PHACTR2: variants seen among roughly 807,000 people sequenced by gnomAD.
PHACTR2 encodes chromosome 6 open reading frame 56.
Under a neutral mutation model 76.0 loss-of-function variants are expected in PHACTR2, and 30 were observed. The observed-to-expected ratio is 0.39, with a 90% CI of 0.30 to 0.54. PHACTR2 has a LOEUF of 0.54. Among genes scored for constraint, PHACTR2 ranks in the 20% least tolerant of loss-of-function variants. The pLI is 0.61. For missense variants in PHACTR2, 696 were observed against 781.1 expected (o/e 0.89, Z 1.30); for synonymous variants, 292 against 292.5 (o/e 1.00, Z 0.02).
At chr6:143,810,049 G>A (rs1273316711) in intron 12 of PHACTR2, among the ~76,000 whole-genome samples, 2 of 152,010 alleles carry the variant, frequency 1.3e-5, no homozygotes, top group African/African-American at 4.8e-5. Context: ...AGGCAGAGGT[G>A]GCAGTGAGCC....
chr6:143,745,094 G>A lies in PHACTR2; in HGVS notation c.215-3891G>A, dbSNP rs570948139. Among the ~76,000 whole-genome samples, 14 of 152,300 alleles carry A rather than the reference G, an allele frequency of 9.2e-5. No individual in the cohort carries two copies. In the South Asian group the frequency reaches 2.7e-3, roughly 29 times the overall value. On this transcript the variant is annotated intron_variant, in intron 2 of 12. Coordinates refer to ENST00000440869, the MANE Select transcript of PHACTR2 (RefSeq NM_001100164.2). ...ACATTCAGCGACCTGTGCCCCACTA[G>A]CGTCTTCCCTGGCAGTATCTTGGTT...
rs1348200372 is a variant in PHACTR2 at position 143,830,258 on chromosome 6, TA to T, written c.*6570del. 2.6e-5 allele frequency: 4 copies of T among 151,840 alleles called. No individual in the cohort carries two copies. Among genetic ancestry groups the T allele is most frequent in the African/African-American group, 9.7e-5 (4 of 41,368 alleles). 9.4% of individuals were successfully genotyped at this position (151,840 alleles called of 1,614,324 possible). On this transcript the variant is annotated 3_prime_UTR_variant, in exon 13 of 13. Transcript: ENST00000440869. ...CACCAATTTCACCAGATTTAGGACC[TA>T]TTAAAAATTCAAACAAGTTTCTTTT...
At position 143,688,297 on chromosome 6, in the gene PHACTR2, G is replaced by T. The variant is rs1323749358; in HGVS notation, c.46+10088G>T. ...GACTGAAAGTGGGACCAAGAAGTAG[G>T]CTGGAATAATCCAGCAAGGTGAAGT... On this transcript the variant is annotated intron_variant, in intron 1 of 12. Transcript: ENST00000440869. This position sits in a 1 kb window ranked among gnomAD's most constrained non-coding sequence, Gnocchi z 5.2. Among the ~76,000 whole-genome samples, 4 of 152,114 alleles carry T rather than the reference G, an allele frequency of 2.6e-5. No homozygotes were observed. The highest frequency in any genetic ancestry group is 5.9e-5 in the Non-Finnish European group (4 of 68,020).
upstream of PHACTR2, among the ~76,000 whole-genome samples, chr6:143,675,369 T>A (rs932745958): frequency 6.6e-6 from 1 of 152,194 alleles, no homozygotes; most frequent in African/African-American, 2.4e-5. The surrounding 1 kb of genome is among the most constrained non-coding windows in gnomAD (Gnocchi z 4.9). Flanking sequence ...CAGAGAAAAG[T>A]AGCGGTGTGC....
intron 1 of PHACTR2, among the ~76,000 whole-genome samples, chr6:143,632,865 C>T (rs1470567328): frequency 6.6e-6 from 1 of 152,168 alleles, no homozygotes; most frequent in African/African-American, 2.4e-5. Flanking sequence ...TGGTATATAA[C>T]CTTTTCAGAT....
At chr6:143,814,122 G>A (rs1181373288) in intron 12 of PHACTR2, among the ~76,000 whole-genome samples, 2 of 152,190 alleles carry the variant, frequency 1.3e-5, no homozygotes, top group Admixed American at 6.5e-5. Context: ...TTGGGGGGCC[G>A]TGGCCAGAGG....
rs1463645519 is a variant in PHACTR2 at position 143,537,362 on chromosome 6, C to G, written c.217+155C>G. ...CAGGGGAGGGCGGAGGCTGAACTCC[C>G]CACACTGCCGCCTCCTCGGCCGCCC... On this transcript the variant is annotated intron_variant, in intron 1 of 11. Transcript: ENST00000367584. This position sits in a 1 kb window ranked among gnomAD's most constrained non-coding sequence, Gnocchi z 4.4. Among the ~76,000 whole-genome samples the G allele has an allele frequency of 6.6e-6, 1 of 151,910 alleles. No homozygotes were observed. The highest frequency in any genetic ancestry group is 1.5e-5 in the Non-Finnish European group (1 of 67,926).
Position 143,760,650 on chromosome 6 carries a change from C to T in PHACTR2, c.694+10C>T, listed in dbSNP as rs754169720. 1 of 1,613,294 alleles carries T rather than the reference C, an allele frequency of 6.2e-7. No individual in the cohort carries two copies. Among genetic ancestry groups the T allele is most frequent in the Admixed American group, 1.7e-5 (1 of 59,938 alleles). On this transcript the variant is annotated intron_variant, in intron 5 of 12. Coordinates refer to ENST00000440869, the MANE Select transcript of PHACTR2 (RefSeq NM_001100164.2). This position sits in a 1 kb window ranked among gnomAD's most constrained non-coding sequence, Gnocchi z 6.4. ...ACGACCCGAGAGGCTGGTGAGTATG[C>T]CCCCAGTGCCCTGTGGGGTCACTTC... is the stretch of plus-strand genomic sequence containing the variant.
chr6:143,572,468 A>G (rs1020413495), intron 1 of PHACTR2, among the ~76,000 whole-genome samples: 11 of 152,208 alleles, frequency 7.2e-5, no homozygotes, highest in Non-Finnish European at 1.5e-4. Flanking sequence ...GTTTGTGACT[A>G]TGTGTTTATT....
chr6:143,628,560 T>G (rs1364484293), intron 1 of PHACTR2, among the ~76,000 whole-genome samples: 1 of 152,144 alleles, frequency 6.6e-6, no homozygotes, highest in African/African-American at 2.4e-5. Context: ...ACCTTCTCCC[T>G]CTGACTCTGG....
intron 2 of PHACTR2, among the ~76,000 whole-genome samples, chr6:143,728,200 C>CTTTTTTTTTTCT (rs1778618287): frequency 1.4e-4 from 18 of 131,396 alleles, no homozygotes; most frequent in South Asian, 7.4e-4. Context: ...TCTTTCTTTC[C>CTTTTTTTTTTCT]TTTTTTTTTT....
At chr6:143,741,135 C>G in intron 2 of PHACTR2, among the ~76,000 whole-genome samples, 1 of 149,674 alleles carries the variant, frequency 6.7e-6, no homozygotes, top group East Asian at 1.9e-4. Context: ...GTAATCCCAG[C>G]TACTCAGGAG....
At chr6:143,712,532 A>T (rs888285846) in intron 2 of PHACTR2, among the ~76,000 whole-genome samples, 1 of 82,576 alleles carries the variant, frequency 1.2e-5, no homozygotes, top group Non-Finnish European at 2.5e-5. Flanking sequence ...TATACACATG[A>T]TGTTATATAT....
rs914116372 is a variant in PHACTR2, at chr6:143,725,751, G to A, written c.214+13568G>A. ...TGAGGCAGGACAATCACTTGAACCC[G>A]GGAGGCAGAGCTTGCAGTGAGCCGA... On this transcript the variant is annotated intron_variant, in intron 2 of 12. Transcript: ENST00000440869. 3.3e-5 allele frequency among the ~76,000 whole-genome samples: 5 copies of A among 151,614 alleles called. No individual in the cohort carries two copies. The East Asian group carries it at 5.9e-4, about 18-fold the overall frequency.
Position 143,548,685 on chromosome 6 carries a change from C to A in PHACTR2, c.217+11478C>A, listed in dbSNP as rs188860003. On this transcript the variant is annotated intron_variant, in intron 1 of 11. Coordinates refer to the PHACTR2 transcript ENST00000367584. This position sits in a 1 kb window ranked among gnomAD's most constrained non-coding sequence, Gnocchi z 4.5. Reference sequence around the variant, plus strand: ...GGGGACTGGGAAAACACAACAAAAGCATTCATTACCTCCTTGTACCTGGGG... The same window carrying A: ...GGGGACTGGGAAAACACAACAAAAGAATTCATTACCTCCTTGTACCTGGGG... Among the ~76,000 whole-genome samples, 124 of 152,130 alleles carry A rather than the reference C, an allele frequency of 8.2e-4. 1 individual carries two copies. In the East Asian group the frequency reaches 0.015, roughly 18 times the overall value.
rs1243434002 is a variant in PHACTR2 at position 143,821,311 on chromosome 6, T to C, written c.1923-2363T>C. Among the ~76,000 whole-genome samples, 1 of 152,256 alleles carries C rather than the reference T, an allele frequency of 6.6e-6. No homozygotes were observed. Among genetic ancestry groups the C allele is most frequent in the Non-Finnish European group, 1.5e-5 (1 of 68,046 alleles). The stretch of plus-strand genomic sequence containing the variant: ...TGACTTTTGTCAAACACAGAAGTAA[T>C]ATAAGTCCCTCGTATCCAACTAGCA... On this transcript the variant is annotated intron_variant, in intron 12 of 12. Coordinates refer to ENST00000440869, the MANE Select transcript of PHACTR2 (RefSeq NM_001100164.2). The surrounding 1 kb of genome is among the most constrained non-coding windows in gnomAD (Gnocchi z 5.2).
At chr6:143,552,454 G>T (rs190237325) in intron 1 of PHACTR2, among the ~76,000 whole-genome samples, 240 of 152,260 alleles carry the variant, frequency 1.6e-3, no homozygotes, top group African/African-American at 5.5e-3. Context: ...GGGAAGCAGG[G>T]AAATAACAAC....
intron 5 of PHACTR2, among the ~76,000 whole-genome samples, chr6:143,762,154 ATCT>A (rs1484350270): frequency 3.3e-5 from 5 of 152,268 alleles, no homozygotes; most frequent in African/African-American, 9.6e-5. Context: ...GGAGGCACTG[ATCT>A]TCTTCTTAAA....
At position 143,793,932 on chromosome 6, in the gene PHACTR2, A is replaced by G. The variant is rs1582887334; in HGVS notation, c.1845+5022A>G. Among the ~76,000 whole-genome samples the G allele has an allele frequency of 6.6e-6, 1 of 152,030 alleles. No homozygotes were observed. Among genetic ancestry groups the G allele is most frequent in the South Asian group, 2.1e-4 (1 of 4,818 alleles). ...TCTCAAAATAAATAAATAAATAAATAATATGGTACACTTTTTAAAGATAAA... is the reference window on the plus strand; with the variant it reads ...TCTCAAAATAAATAAATAAATAAATGATATGGTACACTTTTTAAAGATAAA... On this transcript the variant is annotated intron_variant, in intron 11 of 12. Coordinates refer to ENST00000440869, the MANE Select transcript of PHACTR2 (RefSeq NM_001100164.2). This position sits in a 1 kb window ranked among gnomAD's most constrained non-coding sequence, Gnocchi z 4.4.
Sources: allele counts gnomAD v4.1 joint callset (sites outside exome capture counted in the v4.1 genomes callset), GRCh38; gene constraint gnomAD v4.1.1; non-coding constraint Gnocchi (gnomAD v3.1); transcripts MANE v1.5; gene names NCBI Gene and HGNC (gene_info 2026-07-23, HGNC 2026-07-21).